The following ECPAS variants were observed in gnomAD, a reference collection of about 807,000 sequenced individuals.
ECPAS encodes the protein Ecm29 proteasome adaptor and scaffold.
A neutral mutation model predicts 255.1 loss-of-function variants in ECPAS; 70 were observed. That is an observed-to-expected ratio of 0.27 (90% CI 0.23 to 0.33). The LOEUF is 0.33. ECPAS is among the 10% of genes least tolerant of loss of function. ECPAS has a pLI of 1.00. For synonymous variants in ECPAS, 784 were observed against 775.0 expected (o/e 1.01, Z -0.19); for missense variants, 1,817 against 2,206.4 (o/e 0.82, Z 3.54).
chr9:111,441,462 G>A (rs758117557), intron 5 of ECPAS, among the ~76,000 whole-genome samples: 11 of 151,826 alleles, frequency 7.2e-5, no homozygotes, highest in Non-Finnish European at 1.5e-4. Flanking sequence ...CCAAGATTGC[G>A]CCATTGCACT....
At chr9:111,421,861 T>A in intron 15 of ECPAS, 60 bp downstream of exon 15, 1 of 1,572,836 alleles carries the variant, frequency 6.4e-7, no homozygotes, top group Non-Finnish European at 8.6e-7. Flanking sequence ...GCAATTCAAA[T>A]TTTGTTCTTA....
chr9:111,453,450 T>C (rs2098263010), intron 2 of ECPAS, among the ~76,000 whole-genome samples: 1 of 152,130 alleles, frequency 6.6e-6, no homozygotes, highest in African/African-American at 2.4e-5. Context: ...GAGGCAAATT[T>C]TTCTTATAGG....
intron 31 of ECPAS, among the ~76,000 whole-genome samples, chr9:111,387,720 C>G (rs1564509948): frequency 2.8e-5 from 4 of 140,922 alleles, no homozygotes; most frequent in Non-Finnish European, 4.6e-5. Context: ...CAGTGTCTCA[C>G]TCGTCAGTGC....
At chr9:111,383,355 G>T in intron 34 of ECPAS, 23 bp from the exon 35 acceptor site, 3 of 1,593,586 alleles carry the variant, frequency 1.9e-6, no homozygotes, top group African/African-American at 1.3e-5. Context: ...GAGCATGGAC[G>T]TTAGTGAAAG....
chr9:111,394,356 T>C lies in ECPAS; in HGVS notation c.2777-51A>G, dbSNP rs534768921. 4.2e-6 allele frequency: 6 copies of C among 1,423,498 alleles called. No individual in the cohort carries two copies. In the African/African-American group the frequency reaches 4.3e-5, roughly 10 times the overall value. 88.2% of individuals were successfully genotyped at this position (1,423,498 alleles called of 1,614,324 possible). On this transcript the variant is annotated intron_variant, in intron 25 of 49. Coordinates refer to ENST00000684092, the MANE Select transcript of ECPAS (RefSeq NM_001364929.1). Reference sequence around the variant, plus strand: ...AAAGAATTAAAATAACTCAACATAGTTTCCTGAAAAAATTAAATTCAAATC... The same window carrying C: ...AAAGAATTAAAATAACTCAACATAGCTTCCTGAAAAAATTAAATTCAAATC...
chr9:111,456,624 A>T (rs2098267310), intron 2 of ECPAS, among the ~76,000 whole-genome samples: 1 of 152,230 alleles, frequency 6.6e-6, no homozygotes, highest in Non-Finnish European at 1.5e-5. Flanking sequence ...GAGGGAACTC[A>T]CTACTATGAA....
intron 24 of ECPAS, among the ~76,000 whole-genome samples, chr9:111,399,584 C>T (rs1374144745): frequency 3.3e-5 from 5 of 152,286 alleles, no homozygotes; most frequent in Admixed American, 3.3e-4. Flanking sequence ...CTGAGAGGAA[C>T]CCAAGTCAGC....
At chr9:111,461,317 T>C (rs2098272832) in intron 2 of ECPAS, among the ~76,000 whole-genome samples, 1 of 151,236 alleles carries the variant, frequency 6.6e-6, no homozygotes, top group South Asian at 2.1e-4. Context: ...AAAAAAAATT[T>C]AGCTGGGCGT....
chr9:111,393,579 C>A, intron 27 of ECPAS, 101 bp downstream of exon 27: 1 of 785,818 alleles, frequency 1.3e-6, no homozygotes, highest in Non-Finnish European at 2.1e-6. Flanking sequence ...GTTTTAATCA[C>A]ACAGCTCAAG....
chr9:111,470,684 G>C (rs2098286482), intron 2 of ECPAS, among the ~76,000 whole-genome samples: 1 of 148,156 alleles, frequency 6.7e-6, no homozygotes, highest in African/African-American at 2.5e-5. Context: ...ACCCCTCCCT[G>C]ATCATATTGC....
At chr9:111,442,256 C>T in intron 5 of ECPAS, 50 bp downstream of exon 5, 1 of 1,151,760 alleles carries the variant, frequency 8.7e-7, no homozygotes, top group Non-Finnish European at 1.3e-6. Context: ...ATTTGAAAGG[C>T]AGTTGTTGAC....
In ECPAS at chr9:111,436,992, G is replaced by A. The variant is rs1298510540; in HGVS notation, c.656C>T (p.Ala219Val). The A allele has an allele frequency of 4.3e-6, 7 of 1,612,746 alleles. No individual in the cohort carries two copies. The highest frequency in any genetic ancestry group is 5.9e-6 in the Non-Finnish European group (7 of 1,179,474). ...PQPPPGMSFY[A>V]AKRVIGDNPW... Reference sequence around the variant, plus strand: ...GTTATCACCAATAACTCGTTTGGCTGCATAAAAGCTCATTCCCGGAGGAGG... The same window carrying A: ...GTTATCACCAATAACTCGTTTGGCTACATAAAAGCTCATTCCCGGAGGAGG... The change falls in exon 7 of 50, where the codon GCA (alanine) becomes GTA (valine). Residue 219 changes from alanine to valine, a missense_variant. Ala to Val is a moderately conservative substitution (Grantham distance 64). Coordinates refer to ENST00000684092, the MANE Select transcript of ECPAS (RefSeq NM_001364929.1).
intron 1 of ECPAS, among the ~76,000 whole-genome samples, chr9:111,482,129 A>C (rs566041396): frequency 1.3e-5 from 2 of 152,318 alleles, no homozygotes; most frequent in African/African-American, 4.8e-5. Flanking sequence ...TTCCAATTAA[A>C]ACAAAACATG....
At chr9:111,391,065 A>G (rs2098159080) in intron 29 of ECPAS, among the ~76,000 whole-genome samples, 1 of 152,150 alleles carries the variant, frequency 6.6e-6, no homozygotes, top group South Asian at 2.1e-4. Context: ...GCCAGGCTCC[A>G]TGCCTCAAAG....
chr9:111,419,107 A>G (rs1419610552), intron 16 of ECPAS, among the ~76,000 whole-genome samples: 1 of 152,224 alleles, frequency 6.6e-6, no homozygotes, highest in Non-Finnish European at 1.5e-5. Flanking sequence ...CAACTAGAAC[A>G]CTGAAACAGT....
At chr9:111,384,395 G>T in intron 34 of ECPAS, 127 bp downstream of exon 34, 1 of 780,964 alleles carries the variant, frequency 1.3e-6, no homozygotes, top group Non-Finnish European at 2.2e-6. Context: ...TCTAAGAGCA[G>T]TGAACTACAA....
In ECPAS at chr9:111,440,525, A is replaced by G; in HGVS notation, c.390-4T>C. 1 of 1,574,226 alleles carries G rather than the reference A, an allele frequency of 6.4e-7. No homozygotes were observed. The highest frequency in any genetic ancestry group is 8.7e-7 in the Non-Finnish European group (1 of 1,153,992). ...TGGTATTAAAAGATGCATTAAGCTG[A>G]AAAAACAATTACATTTATTGCAACT... On this transcript the variant is annotated splice_region_variant and splice_polypyrimidine_tract_variant and intron_variant, in intron 5 of 49. Coordinates refer to ENST00000684092, the MANE Select transcript of ECPAS (RefSeq NM_001364929.1).
intron 46 of ECPAS, among the ~76,000 whole-genome samples, chr9:111,367,953 G>A (rs568241143): frequency 4.1e-4 from 62 of 151,120 alleles, no homozygotes; most frequent in African/African-American, 1.3e-3. Flanking sequence ...GAGGCAGGAA[G>A]ATCACTTGAG....
In ECPAS at chr9:111,472,163, G is replaced by A. The variant is rs561543186; in HGVS notation, c.22+734C>T. Among the ~76,000 whole-genome samples the A allele has an allele frequency of 1.1e-4, 16 of 152,032 alleles. No homozygotes were observed. The East Asian group carries it at 2.9e-3, about 28-fold the overall frequency. On this transcript the variant is annotated intron_variant, in intron 2 of 49. Transcript: ENST00000684092. ...CTAGAGAGGCTGAGGTGGGAGGATCGCCTGAGCCCAGGAGATCAAGGTGGC... is the reference window on the plus strand; with the variant it reads ...CTAGAGAGGCTGAGGTGGGAGGATCACCTGAGCCCAGGAGATCAAGGTGGC...
Sources: allele counts gnomAD v4.1 joint callset (sites outside exome capture counted in the v4.1 genomes callset), GRCh38; gene constraint gnomAD v4.1.1; transcripts MANE v1.5; gene names NCBI Gene and HGNC (gene_info 2026-07-23, HGNC 2026-07-21).